Variants in ZNF730 observed in about 807,000 individuals in gnomAD.
ZNF730 encodes the protein zinc finger protein 730, also known as putative zinc finger protein 730.
ZNF730 carries 12 observed loss-of-function variants against 12.6 expected under a neutral mutation model. That is an observed-to-expected ratio of 0.95 (90% CI 0.61 to 1.54). The LOEUF is 1.54. ZNF730 is among the 40% of genes most tolerant of loss of function. ZNF730 has a pLI of 0.00. For synonymous variants in ZNF730, 194 were observed against 195.8 expected (o/e 0.99, Z 0.08); for missense variants, 643 against 583.5 (o/e 1.10, Z -1.05).
intron 1 of ZNF730, among the ~76,000 whole-genome samples, chr19:23,119,364 G>A (rs1003348774): frequency 1.3e-5 from 2 of 152,160 alleles, no homozygotes; most frequent in Admixed American, 6.5e-5. Flanking sequence ...AACAAACCTT[G>A]CATCCCAGGG....
chr19:23,076,391 C>A (rs1969861756), intron 1 of ZNF730, among the ~76,000 whole-genome samples: 1 of 152,170 alleles, frequency 6.6e-6, no homozygotes, highest in Non-Finnish European at 1.5e-5. Context: ...CTTTTATCTT[C>A]CCTAGGTACA....
intron 1 of ZNF730, among the ~76,000 whole-genome samples, chr19:23,108,304 T>C (rs10422252): frequency 0.14 from 22,009 of 152,060 alleles, 2,457 homozygotes; most frequent in African/African-American, 0.31. Flanking sequence ...AATTTGTGTT[T>C]AGGGGATTTT....
chr19:23,076,301 C>CA (rs1179458298), intron 1 of ZNF730, among the ~76,000 whole-genome samples: 6 of 152,134 alleles, frequency 3.9e-5, no homozygotes, highest in African/African-American at 1.4e-4. Flanking sequence ...ATAAACATTT[C>CA]ACATGAGAAA....
At position 23,146,770 on chromosome 19, in the gene ZNF730, C is replaced by A; in HGVS notation, c.*214C>A. ...GTCTTCAACCAATCTTCACACCTTA[C>A]TACACATAAGATAATTCATACTGGA... On this transcript the variant is annotated 3_prime_UTR_variant, in exon 4 of 4. Transcript: ENST00000597761. 3 of 1,061,286 alleles carry A rather than the reference C, an allele frequency of 2.8e-6. No homozygotes were observed. Among genetic ancestry groups the A allele is most frequent in the Admixed American group, 1.7e-5 (1 of 58,828 alleles). The allele number at this position is 1,061,286 out of a possible 1,614,324, so 65.7% of individuals were successfully genotyped here.
intron 1 of ZNF730, among the ~76,000 whole-genome samples, chr19:23,097,408 A>G (rs1013249438): frequency 1.3e-5 from 2 of 151,944 alleles, no homozygotes. Context: ...CTGATTTCAT[A>G]CCGAGCTGAT....
chr19:23,145,846 T>C lies in ZNF730; in HGVS notation c.802T>C (p.Ser268Pro), dbSNP rs1599604431. ...GAAATGTGGCAAATTTTTTAACCAA[T>C]CCACAAACCTTACTACACATAAAAG... ...CEKCGKFFNQ[S>P]TNLTTHKRIH... Residue 268 changes from serine (S) to proline (P), a missense_variant, in exon 4 of 4, where the codon TCC becomes CCC. Transcript: ENST00000597761. 2 of 1,605,304 alleles carry C rather than the reference T, an allele frequency of 1.2e-6. No homozygotes were observed. The highest frequency in any genetic ancestry group is 1.7e-6 in the Non-Finnish European group (2 of 1,177,482).
chr19:23,143,998 A>AT (rs1306074936), intron 3 of ZNF730: 3 of 151,428 alleles, frequency 2.0e-5, no homozygotes, highest in Non-Finnish European at 4.4e-5. Flanking sequence ...TTCTTCTTGT[A>AT]TTTTTTACCC....
Position 23,146,315 on chromosome 19 carries a change from A to T in ZNF730, c.1271A>T (p.Tyr424Phe). Residue 424 changes from tyrosine to phenylalanine, a missense_variant, in exon 4 of 4, where the codon TAC (tyrosine) becomes TTC (phenylalanine). Physicochemically the swap from Tyr to Phe is conservative, Grantham distance 22. Transcript: ENST00000597761. ...HKRIHTGEKP[Y>F]KCEECGRAFN... ...AGAATTCATACTGGAGAGAAACCCT[A>T]CAAATGTGAAGAATGTGGCAGAGCT... is the stretch of plus-strand genomic sequence containing the variant. The T allele has an allele frequency of 6.2e-7, 1 of 1,613,704 alleles. No homozygotes were observed. The highest frequency in any genetic ancestry group is 8.5e-7 in the Non-Finnish European group (1 of 1,179,784).
At chr19:23,108,823 C>T (rs1970426070) in intron 1 of ZNF730, among the ~76,000 whole-genome samples, 1 of 151,714 alleles carries the variant, frequency 6.6e-6, no homozygotes, top group Non-Finnish European at 1.5e-5. Flanking sequence ...GATCTTGGCT[C>T]ACTGCAACCT....
intron 3 of ZNF730, among the ~76,000 whole-genome samples, chr19:23,141,394 C>CAAA (rs372825703): frequency 8.3e-6 from 1 of 120,188 alleles, no homozygotes; most frequent in Non-Finnish European, 1.8e-5. Context: ...GACTCCGTCT[C>CAAA]AAAAAAAAAA....
Position 23,127,482 on chromosome 19 carries a change from C to T in ZNF730, c.4-6598C>T. The stretch of plus-strand genomic sequence containing the variant: ...CCTTCTCCAAGCTTCTGTACTTTTT[C>T]CCTTGAAGCATCAAAATCAGCTCTT... On this transcript the variant is annotated intron_variant, in intron 1 of 3. Coordinates refer to ENST00000597761, the MANE Select transcript of ZNF730 (RefSeq NM_001277403.2). The T allele has an allele frequency of 3.8e-6, 4 of 1,051,628 alleles. No individual in the cohort carries two copies. The South Asian group carries it at 5.1e-5, about 13-fold the overall frequency. The allele number at this position is 1,051,628 out of a possible 1,614,324, so 65.1% of individuals were successfully genotyped here.
chr19:23,139,573 G>A (rs1599600727), intron 3 of ZNF730, among the ~76,000 whole-genome samples: 1 of 151,926 alleles, frequency 6.6e-6, no homozygotes, highest in Admixed American at 6.6e-5. Context: ...TTCCCAGGCT[G>A]GAGTGCAGTG....
Position 23,145,949 on chromosome 19 carries a change from A to G in ZNF730, c.905A>G (p.His302Arg). The stretch of plus-strand genomic sequence containing the variant: ...AACCAGTCCTCAAACCTTACTGAAC[A>G]TAAGAAAATTCATACTAAAGAGCAA... ...AFNQSSNLTEHKKIHTKEQPY... is the reference protein window; with the variant it reads ...AFNQSSNLTERKKIHTKEQPY... The change falls in exon 4 of 4, where the codon CAT becomes CGT. Residue 302 changes from histidine (H) to arginine (R), a missense_variant. His to Arg is a conservative substitution (Grantham distance 29). Transcript: ENST00000597761. The G allele has an allele frequency of 6.8e-6, 11 of 1,608,570 alleles. No homozygotes were observed. Among genetic ancestry groups the G allele is most frequent in the Non-Finnish European group, 9.3e-6 (11 of 1,178,852 alleles).
chr19:23,118,517 T>C (rs1271127077), intron 1 of ZNF730, among the ~76,000 whole-genome samples: 4 of 152,118 alleles, frequency 2.6e-5, no homozygotes, highest in Non-Finnish European at 5.9e-5. Flanking sequence ...GATTATTAGC[T>C]TCTGGGTCAT....
At chr19:23,131,156 A>C (rs1204062394) in intron 1 of ZNF730, among the ~76,000 whole-genome samples, 2 of 152,268 alleles carry the variant, frequency 1.3e-5, no homozygotes, top group African/African-American at 2.4e-5. Flanking sequence ...AAGTAAATAT[A>C]AAAACAATAA....
chr19:23,135,244 A>T (rs1471058338), intron 2 of ZNF730, among the ~76,000 whole-genome samples: 1 of 135,006 alleles, frequency 7.4e-6, no homozygotes, highest in African/African-American at 2.7e-5. Flanking sequence ...AAAAAAAAAA[A>T]AAAAAAAAAA....
At position 23,120,430 on chromosome 19, in the gene ZNF730, A is replaced by AT. The variant is rs879281810; in HGVS notation, c.3+3266dup. Among the ~76,000 whole-genome samples the AT allele has an allele frequency of 4.4e-3, 637 of 143,176 alleles. 3 individuals carry two copies. Among genetic ancestry groups the AT allele is most frequent in the African/African-American group, 0.01 (400 of 39,296 alleles). The allele number at this position is 143,176 out of a possible 152,430, so 93.9% of individuals were successfully genotyped here. ...GATGGATTTTTCCAGAAATTTATCCATTTTTTTTTTTTAGATTTTCTAGTT... is the reference window on the plus strand; with the variant it reads ...GATGGATTTTTCCAGAAATTTATCCATTTTTTTTTTTTTAGATTTTCTAGTT... On this transcript the variant is annotated intron_variant, in intron 1 of 3. Coordinates refer to ENST00000597761, the MANE Select transcript of ZNF730 (RefSeq NM_001277403.2).
At chr19:23,087,567 G>T (rs1159087110) in intron 1 of ZNF730, among the ~76,000 whole-genome samples, 3 of 151,024 alleles carry the variant, frequency 2.0e-5, no homozygotes, top group Admixed American at 6.6e-5. Context: ...GGAATAGTTT[G>T]ATTTCCTCTT....
At chr19:23,082,495 C>T (rs561760038) in intron 1 of ZNF730, among the ~76,000 whole-genome samples, 34 of 151,372 alleles carry the variant, frequency 2.2e-4, no homozygotes, top group Admixed American at 7.3e-4. Flanking sequence ...TACAGGCGCC[C>T]GCCTCCATGC....
Sources: allele counts gnomAD v4.1 joint callset (sites outside exome capture counted in the v4.1 genomes callset), GRCh38; gene constraint gnomAD v4.1.1; transcripts MANE v1.5; gene names NCBI Gene and HGNC (gene_info 2026-07-23, HGNC 2026-07-21).